PNLIPRP3: variants seen among roughly 807,000 people sequenced by gnomAD.
PNLIPRP3 encodes the protein pancreatic lipase related protein 3, also known as pancreatic lipase-related protein 3.
Under a neutral mutation model 52.8 loss-of-function variants are expected in PNLIPRP3, and 58 were observed. The ratio of observed to expected loss-of-function variants is 1.10; its 90% CI spans 0.89 to 1.37. The LOEUF (loss-of-function observed/expected upper bound fraction) is 1.37. Among genes scored for constraint, PNLIPRP3 ranks in the 40% most tolerant of loss-of-function variants. PNLIPRP3 has a pLI of 0.00. For missense variants in PNLIPRP3, 593 were observed against 561.6 expected, an observed-to-expected ratio of 1.06 and a Z score of -0.57; for synonymous variants, 192 against 185.0, an observed-to-expected ratio of 1.04 and a Z score of -0.31.
chr10:116,451,524 T>C lies in PNLIPRP3; in HGVS notation c.457-4198T>C, dbSNP rs898790768. On this transcript the variant is annotated intron_variant, in intron 4 of 11. Transcript: ENST00000369230. The stretch of plus-strand genomic sequence containing the variant: ...GGGAATAGTGGGAGGTTTGGAATCA[T>C]GGGGGTGGATCCCCCATGAATGGCT... Among the ~76,000 whole-genome samples the C allele has an allele frequency of 3.3e-5, 5 of 152,178 alleles. 1 individual carries two copies. Among genetic ancestry groups the C allele is most frequent in the East Asian group, 1.9e-4 (1 of 5,186 alleles).
intron 5 of PNLIPRP3, among the ~76,000 whole-genome samples, chr10:116,459,516 A>G (rs1198024580): frequency 2.0e-5 from 3 of 152,118 alleles, no homozygotes; most frequent in African/African-American, 4.8e-5. Flanking sequence ...ACAGCTTCCC[A>G]TTGATGACCA....
chr10:116,465,112 C>A (rs1846259207), intron 7 of PNLIPRP3, among the ~76,000 whole-genome samples: 1 of 152,216 alleles, frequency 6.6e-6, no homozygotes, highest in Non-Finnish European at 1.5e-5. Context: ...TAGCCCCTAT[C>A]TGAAGGCAGG....
At chr10:116,452,912 C>T (rs576152725) in intron 4 of PNLIPRP3, among the ~76,000 whole-genome samples, 18 of 152,326 alleles carry the variant, frequency 1.2e-4, no homozygotes, top group African/African-American at 3.1e-4. Context: ...GGAACCCCCA[C>T]ACAGAGTCCC....
chr10:116,449,550 A>G (rs1042685882), intron 4 of PNLIPRP3, among the ~76,000 whole-genome samples: 3 of 152,214 alleles, frequency 2.0e-5, no homozygotes, highest in African/African-American at 7.2e-5. Context: ...ATAATTATAA[A>G]TATATATACA....
intron 7 of PNLIPRP3, among the ~76,000 whole-genome samples, chr10:116,464,935 CA>C (rs1428390613): frequency 6.6e-6 from 1 of 152,216 alleles, no homozygotes; most frequent in Non-Finnish European, 1.5e-5. Context: ...GGGATGGCTA[CA>C]GTGTTTCAGC....
chr10:116,458,604 GATTA>G (rs1846148748), intron 5 of PNLIPRP3, among the ~76,000 whole-genome samples: 1 of 152,152 alleles, frequency 6.6e-6, no homozygotes, highest in Non-Finnish European at 1.5e-5. Context: ...AAGAGTTGAA[GATTA>G]ATTGTGAGAT....
intron 10 of PNLIPRP3, among the ~76,000 whole-genome samples, chr10:116,475,092 A>G (rs1402787651): frequency 6.6e-6 from 1 of 152,210 alleles, no homozygotes; most frequent in Non-Finnish European, 1.5e-5. Flanking sequence ...ACCATGGAAT[A>G]CTATGCAGCC....
chr10:116,446,012 C>A (rs1845942764), intron 4 of PNLIPRP3, among the ~76,000 whole-genome samples: 1 of 152,046 alleles, frequency 6.6e-6, no homozygotes, highest in Non-Finnish European at 1.5e-5. Flanking sequence ...CAAATACCAA[C>A]CTATATAAGG....
At chr10:116,475,843 A>AGATTG (rs1185012880) in intron 10 of PNLIPRP3, among the ~76,000 whole-genome samples, 1 of 152,148 alleles carries the variant, frequency 6.6e-6, no homozygotes, top group Admixed American at 6.5e-5. Flanking sequence ...GGACAAATTT[A>AGATTG]GATTGGATTG....
intron 1 of PNLIPRP3, among the ~76,000 whole-genome samples, chr10:116,431,137 C>T (rs1845704041): frequency 6.6e-6 from 1 of 152,176 alleles, no homozygotes; most frequent in Non-Finnish European, 1.5e-5. Flanking sequence ...AAAATCCATG[C>T]AGAACCTGAC....
intron 4 of PNLIPRP3, among the ~76,000 whole-genome samples, chr10:116,447,958 CAAAA>C (rs35367938): frequency 2.8e-5 from 3 of 108,492 alleles, no homozygotes; most frequent in Non-Finnish European, 3.8e-5. Context: ...GAGACTCCAT[CAAAA>C]AAAAAAAAAA....
intron 1 of PNLIPRP3, among the ~76,000 whole-genome samples, chr10:116,430,436 T>G (rs944255699): frequency 6.6e-6 from 1 of 152,182 alleles, no homozygotes; most frequent in Non-Finnish European, 1.5e-5. Flanking sequence ...AAAAGTGAGA[T>G]AGTCAGTACG....
chr10:116,429,968 G>A (rs1002103669), intron 1 of PNLIPRP3, among the ~76,000 whole-genome samples: 1 of 152,188 alleles, frequency 6.6e-6, no homozygotes, highest in Non-Finnish European at 1.5e-5. Context: ...TAAGATGAAA[G>A]AAATAACAGC....
intron 2 of PNLIPRP3, among the ~76,000 whole-genome samples, chr10:116,439,111 C>T (rs949964000): frequency 6.6e-6 from 1 of 152,152 alleles, no homozygotes; most frequent in African/African-American, 2.4e-5. Context: ...GTAGTGATAG[C>T]TGCATGACAA....
chr10:116,447,699 G>A (rs1173780399), intron 4 of PNLIPRP3, among the ~76,000 whole-genome samples: 2 of 152,178 alleles, frequency 1.3e-5, no homozygotes, highest in South Asian at 4.1e-4. Flanking sequence ...ATTTTGGGAG[G>A]CCAAGACAGG....
intron 1 of PNLIPRP3, among the ~76,000 whole-genome samples, chr10:116,435,456 A>AC (rs1196212401): frequency 1.3e-5 from 2 of 151,592 alleles, no homozygotes; most frequent in African/African-American, 4.8e-5. Flanking sequence ...AAAAAAAAAA[A>AC]AACCAACCAA....
intron 3 of PNLIPRP3, among the ~76,000 whole-genome samples, chr10:116,444,062 G>A (rs1409827407): frequency 6.6e-6 from 1 of 151,828 alleles, no homozygotes; most frequent in Admixed American, 6.6e-5. Context: ...CGCTTCACTA[G>A]GCAGCAGGAA....
chr10:116,444,600 T>A (rs1300135336), intron 4 of PNLIPRP3, 87 bp downstream of exon 4: 1 of 1,342,310 alleles, frequency 7.4e-7, no homozygotes, highest in Non-Finnish European at 1.0e-6. Flanking sequence ...TGTCTTTTTT[T>A]ATTAGCTTAG....
intron 4 of PNLIPRP3, among the ~76,000 whole-genome samples, chr10:116,450,247 A>C (rs1206472266): frequency 6.6e-6 from 1 of 152,146 alleles, no homozygotes; most frequent in Non-Finnish European, 1.5e-5. Flanking sequence ...CCCCACACAA[A>C]TTTGTAAACT....
Sources: allele counts gnomAD v4.1 joint callset (sites outside exome capture counted in the v4.1 genomes callset), GRCh38; gene constraint gnomAD v4.1.1; transcripts MANE v1.5; gene names NCBI Gene and HGNC (gene_info 2026-07-23, HGNC 2026-07-21).